Variants in POLR1D observed in about 807,000 individuals in gnomAD.
The protein encoded by POLR1D is RNA polymerase I and III subunit D, also known as DNA-directed RNA polymerases I and III subunit RPAC2.
A neutral mutation model predicts 10.8 loss-of-function variants in POLR1D; 8 were observed. The observed-to-expected ratio is 0.74, with a 90% CI of 0.43 to 1.33. POLR1D has a LOEUF of 1.33. Ranked by LOEUF, POLR1D falls within the 40% of genes most tolerant of loss-of-function variation. The pLI is 0.01. For missense variants in POLR1D, 152 were observed against 161.7 expected (o/e 0.94, Z 0.32); for synonymous variants, 54 against 57.2 (o/e 0.94, Z 0.25).
intron 1 of POLR1D, among the ~76,000 whole-genome samples, chr13:27,640,152 C>G (rs1450161237): frequency 2.6e-5 from 4 of 152,112 alleles, no homozygotes; most frequent in African/African-American, 9.7e-5. Flanking sequence ...TTCATCATGT[C>G]CCAGTGGTGC....
In POLR1D at chr13:27,623,206, G is replaced by A; in HGVS notation, c.358G>A (p.Asp120Asn). 1 of 1,614,092 alleles carries A rather than the reference G, an allele frequency of 6.2e-7. No homozygotes were observed. The highest frequency in any genetic ancestry group is 8.5e-7 in the Non-Finnish European group (1 of 1,180,018). The change falls in exon 2 of 2, where the codon GAC (aspartate) becomes AAC (asparagine). Residue 120 changes from aspartate to asparagine, a missense_variant. Physicochemically the swap from Asp to Asn is conservative, Grantham distance 23 (BLOSUM62 1). Transcript: ENST00000302979. ...VLDKFEASIKDYKDQKASRNE... is the reference protein window; with the variant it reads ...VLDKFEASIKNYKDQKASRNE... Reference sequence around the variant, plus strand: ...TGACAAGTTTGAGGCCAGCATAAAGGACTATAAGGATCAAAAAGCAAGCAG... The same window carrying A: ...TGACAAGTTTGAGGCCAGCATAAAGAACTATAAGGATCAAAAAGCAAGCAG...
At chr13:27,622,142 G>A in intron 1 of POLR1D, 133 bp downstream of exon 1, 2 of 755,902 alleles carry the variant, frequency 2.6e-6, no homozygotes, top group Non-Finnish European at 4.6e-6. Context: ...GAGAAGTGGG[G>A]AGGAGACATG....
chr13:27,658,342 C>T (rs1034967226), intron 2 of POLR1D, among the ~76,000 whole-genome samples: 4 of 152,232 alleles, frequency 2.6e-5, no homozygotes, highest in African/African-American at 9.6e-5. Flanking sequence ...CTCCTCTGCA[C>T]TGAAATAGCA....
At chr13:27,640,889 A>G (rs1411714162) in intron 1 of POLR1D, among the ~76,000 whole-genome samples, 1 of 152,104 alleles carries the variant, frequency 6.6e-6, no homozygotes, top group Non-Finnish European at 1.5e-5. Flanking sequence ...CTTCCTGTAT[A>G]CTTTAAATCA....
At chr13:27,640,413 G>A (rs537303839) in intron 1 of POLR1D, among the ~76,000 whole-genome samples, 80 of 152,246 alleles carry the variant, frequency 5.3e-4, no homozygotes, top group African/African-American at 1.7e-3. Context: ...AGTATGGAAA[G>A]GTTTTGAACT....
At chr13:27,665,919 A>G (rs142852632) in exon 3 of POLR1D, 21 of 1,614,112 alleles carry the variant, frequency 1.3e-5, no homozygotes, top group Non-Finnish European at 1.8e-5. Flanking sequence ...CGGAGCAGCC[A>G]GGACAAGTAC....
chr13:27,626,970 G>A (rs76589555), downstream of POLR1D, among the ~76,000 whole-genome samples: 671 of 152,288 alleles, frequency 4.4e-3, 1 homozygote, highest in African/African-American at 0.015. Flanking sequence ...TCAAGAGATA[G>A]GAAAGCATAT....
downstream of POLR1D, among the ~76,000 whole-genome samples, chr13:27,628,077 CG>C (rs1333999588): frequency 6.6e-6 from 1 of 152,174 alleles, no homozygotes; most frequent in Non-Finnish European, 1.5e-5. Flanking sequence ...TCCTTACTAA[CG>C]GGAGTTAGTG....
At chr13:27,628,897 C>T (rs974966764) in intron 1 of POLR1D, among the ~76,000 whole-genome samples, 1 of 152,190 alleles carries the variant, frequency 6.6e-6, no homozygotes, top group African/African-American at 2.4e-5. Context: ...CTCGCTGCAG[C>T]CTTGACCTCC....
chr13:27,643,031 TTCTG>T (rs1441450260), intron 1 of POLR1D, among the ~76,000 whole-genome samples: 6 of 152,182 alleles, frequency 3.9e-5, no homozygotes, highest in African/African-American at 1.4e-4. Context: ...TCTCATGACT[TTCTG>T]TTTGTTATTT....
chr13:27,660,916 G>A (rs1388051414), intron 2 of POLR1D: 2 of 152,194 alleles, frequency 1.3e-5, no homozygotes, highest in Non-Finnish European at 2.9e-5. Flanking sequence ...ATAGCACAAG[G>A]TAATTGTGTC....
intron 1 of POLR1D, among the ~76,000 whole-genome samples, chr13:27,638,672 C>A (rs1237153640): frequency 1.3e-5 from 2 of 152,164 alleles, no homozygotes; most frequent in African/African-American, 4.8e-5. Flanking sequence ...AAAATAGCTT[C>A]AGCAGGCTGA....
At chr13:27,640,837 T>C (rs1956166348) in intron 1 of POLR1D, among the ~76,000 whole-genome samples, 1 of 152,116 alleles carries the variant, frequency 6.6e-6, no homozygotes, top group South Asian at 2.1e-4. Flanking sequence ...TACCAAAACC[T>C]GATATAAAAT....
chr13:27,639,161 C>G (rs999734043), intron 1 of POLR1D, among the ~76,000 whole-genome samples: 1 of 152,024 alleles, frequency 6.6e-6, no homozygotes, highest in Non-Finnish European at 1.5e-5. Flanking sequence ...ATCCCTTTTT[C>G]TTTTGCAGTT....
chr13:27,621,673 C>T (rs1566139449), upstream of POLR1D: 1 of 213,260 alleles, frequency 4.7e-6, no homozygotes, highest in Non-Finnish European at 9.2e-6. Context: ...CTGTCTGGGC[C>T]TCGGGGTAAG....
downstream of POLR1D, among the ~76,000 whole-genome samples, chr13:27,625,842 G>A (rs1389939144): frequency 1.3e-5 from 2 of 152,106 alleles, no homozygotes; most frequent in African/African-American, 2.4e-5. Flanking sequence ...ATAGGGAATA[G>A]AAAAATGTCA....
At chr13:27,643,320 T>A (rs913248079) in intron 1 of POLR1D, among the ~76,000 whole-genome samples, 1 of 152,236 alleles carries the variant, frequency 6.6e-6, no homozygotes, top group African/African-American at 2.4e-5. Context: ...AGTGTTCCTA[T>A]TGAGTTTTAC....
intron 1 of POLR1D, 24 bp downstream of exon 1, chr13:27,622,033 C>T: frequency 6.4e-7 from 1 of 1,566,964 alleles, no homozygotes; most frequent in Non-Finnish European, 8.7e-7. Flanking sequence ...AGGAGGCGGG[C>T]GGAGCGGGCC....
rs910142997 is a variant in POLR1D, at chr13:27,663,706, C to T, written c.102-1980C>T. On this transcript the variant is annotated intron_variant, in intron 2 of 2. Coordinates refer to the POLR1D transcript ENST00000399697. The surrounding 1 kb of genome is among the most constrained non-coding windows in gnomAD (Gnocchi z 4.1). ...GTTCTGAGATCCTGGATTACCATCA[C>T]GTCTGGGAAAAGTACCCTTCCTTGT... Among the ~76,000 whole-genome samples the T allele has an allele frequency of 1.3e-5, 2 of 151,980 alleles. No individual in the cohort carries two copies. The highest frequency in any genetic ancestry group is 4.8e-5 in the African/African-American group (2 of 41,396).
Sources: gnomAD v4.1 joint callset for allele counts (sites outside exome capture counted in the v4.1 genomes callset) on GRCh38, gnomAD v4.1.1 for gene constraint, Gnocchi (gnomAD v3.1) non-coding constraint, MANE v1.5 for transcripts, NCBI Gene and HGNC (gene_info 2026-07-23, HGNC 2026-07-21) for gene names.